TLN2: variants seen among roughly 807,000 people sequenced by gnomAD.
The protein encoded by TLN2 is talin 2, also known as talin-2.
A neutral mutation model predicts 294.7 loss-of-function variants in TLN2; 118 were observed. The ratio of observed to expected loss-of-function variants is 0.40; its 90% CI spans 0.34 to 0.47. The LOEUF (loss-of-function observed/expected upper bound fraction) is 0.47, where lower values mean the gene tolerates loss of function less well. TLN2 is among the 20% of genes least tolerant of loss of function. The pLI is 0.84. For synonymous variants in TLN2, 1,431 were observed against 1,304.5 expected (o/e 1.10, Z -2.09); for missense variants, 3,083 against 3,282.2 (o/e 0.94, Z 1.48).
intron 3 of TLN2, among the ~76,000 whole-genome samples, chr15:62,619,843 G>A (rs745330438): frequency 6.6e-6 from 1 of 152,178 alleles, no homozygotes; most frequent in Non-Finnish European, 1.5e-5. Flanking sequence ...AATTCCTATT[G>A]TTTTAGGACA....
At chr15:62,391,255 C>T (rs546978015) in intron 1 of TLN2, among the ~76,000 whole-genome samples, 24 of 152,256 alleles carry the variant, frequency 1.6e-4, no homozygotes, top group Non-Finnish European at 2.8e-4. Context: ...TTCTCCGGTG[C>T]CGGACACTCA....
Position 62,708,670 on chromosome 15 carries a change from C to G in TLN2, c.2341C>G (p.Leu781Val). 6.2e-7 allele frequency: 1 copy of G among 1,614,174 alleles called. No homozygotes were observed. The highest frequency in any genetic ancestry group is 1.1e-5 in the South Asian group (1 of 91,084). The part of the protein sequence containing the change: ...SAAASVVSQA[L>V]HDLLQHVRQF... Reference sequence around the variant, plus strand: ...AGCGGCCAGCGTGGTCAGCCAGGCCCTCCATGATCTCCTGCAGCATGTGCG... The same window carrying G: ...AGCGGCCAGCGTGGTCAGCCAGGCCGTCCATGATCTCCTGCAGCATGTGCG... The change falls in exon 21 of 59, where the codon CTC becomes GTC. Residue 781 changes from leucine to valine, a missense_variant. Physicochemically the swap from Leu to Val is conservative, Grantham distance 32 (BLOSUM62 1). Transcript: ENST00000636159.
At chr15:62,510,237 G>C (rs1012983335) in intron 1 of TLN2, among the ~76,000 whole-genome samples, 14 of 152,180 alleles carry the variant, frequency 9.2e-5, no homozygotes, top group Non-Finnish European at 1.8e-4. Context: ...ACCCACCAGA[G>C]CATGCCATTT....
Position 62,819,614 on chromosome 15 carries a change from C to T in TLN2, c.6870C>T (p.Ala2290=). Residue 2290 remains alanine, a synonymous_variant, in exon 53 of 59, where the codon GCC becomes GCT. Coordinates refer to ENST00000636159, the MANE Select transcript of TLN2 (RefSeq NM_015059.3). ...AVTELIQAAE[A]MKGTEWVDPE... The stretch of plus-strand genomic sequence containing the variant: ...CAGAGCTCATCCAGGCGGCGGAAGC[C>T]ATGAAAGGTAGGCTGGATTCTCACG... 1 of 1,610,224 alleles carries T rather than the reference C, an allele frequency of 6.2e-7. No homozygotes were observed. The highest frequency in any genetic ancestry group is 8.5e-7 in the Non-Finnish European group (1 of 1,179,966).
At chr15:62,591,714 G>T (rs1170909128) in intron 2 of TLN2, among the ~76,000 whole-genome samples, 1 of 152,150 alleles carries the variant, frequency 6.6e-6, no homozygotes, top group Non-Finnish European at 1.5e-5. Flanking sequence ...GGTGAGGCGG[G>T]TAGAATACTG....
chr15:62,420,165 TTAATG>T (rs2034308929), intron 1 of TLN2, among the ~76,000 whole-genome samples: 1 of 152,232 alleles, frequency 6.6e-6, no homozygotes, highest in Admixed American at 6.5e-5. Flanking sequence ...GGTCTAGAAT[TTAATG>T]TATTCATAGT....
At chr15:62,496,242 GA>G (rs2039010343) in intron 1 of TLN2, among the ~76,000 whole-genome samples, 1 of 152,230 alleles carries the variant, frequency 6.6e-6, no homozygotes, top group Admixed American at 6.5e-5. Context: ...TCTACGAAGA[GA>G]AGCAGCTTAT....
chr15:62,694,352 G>C lies in TLN2; in HGVS notation c.1252G>C (p.Glu418Gln). Residue 418 changes from glutamate (E) to glutamine (Q), a missense_variant, in exon 14 of 59, where the codon GAG (glutamate) becomes CAG (glutamine). By Grantham distance (29) the Glu-to-Gln change is conservative. Transcript: ENST00000636159. ...SKDRFGLEGDEESTMLEESVS... is the reference protein window; with the variant it reads ...SKDRFGLEGDQESTMLEESVS... The stretch of plus-strand genomic sequence containing the variant: ...AGATCGATTTGGACTAGAAGGTGAT[G>C]AGGAGTCAACCATGTTAGAAGAGTC... The C allele has an allele frequency of 6.2e-7, 1 of 1,614,102 alleles. No individual in the cohort carries two copies.
intron 42 of TLN2, among the ~76,000 whole-genome samples, chr15:62,773,295 A>C (rs1240831389): frequency 4.2e-5 from 3 of 70,606 alleles, no homozygotes; most frequent in African/African-American, 1.7e-4. Flanking sequence ...ACACACAGTC[A>C]GCACTGTAAG....
chr15:62,758,294 G>A (rs893356419), intron 37 of TLN2, among the ~76,000 whole-genome samples: 1 of 152,196 alleles, frequency 6.6e-6, no homozygotes, highest in Non-Finnish European at 1.5e-5. Context: ...ATCCATTTCT[G>A]TGTTTCTGCC....
chr15:62,690,352 C>CT (rs2057744467), intron 12 of TLN2: 2 of 152,790 alleles, frequency 1.3e-5, no homozygotes. Flanking sequence ...CGGGCAGAGG[C>CT]GCTCCTCACC....
intron 1 of TLN2, among the ~76,000 whole-genome samples, chr15:62,391,126 G>T (rs2032043904): frequency 6.6e-6 from 1 of 152,178 alleles, no homozygotes; most frequent in Non-Finnish European, 1.5e-5. Context: ...CGCGCCAGAA[G>T]AGTTGGCGCT....
intron 2 of TLN2, among the ~76,000 whole-genome samples, chr15:62,605,928 C>T: frequency 6.6e-6 from 1 of 152,102 alleles, no homozygotes; most frequent in East Asian, 1.9e-4. Context: ...TCAGAATTTC[C>T]CTTCTTTAGA....
intron 11 of TLN2, among the ~76,000 whole-genome samples, chr15:62,677,782 TAAGA>T (rs911325208): frequency 3.6e-5 from 5 of 140,266 alleles, no homozygotes; most frequent in African/African-American, 1.3e-4. Context: ...AAGAAAGGAT[TAAGA>T]AAGTAGGCAG....
At chr15:62,519,024 T>C (rs367635826) in intron 1 of TLN2, among the ~76,000 whole-genome samples, 14 of 152,224 alleles carry the variant, frequency 9.2e-5, no homozygotes, top group African/African-American at 3.4e-4. Context: ...ACAGCAATTC[T>C]AAGAGGTAGC....
intron 14 of TLN2, among the ~76,000 whole-genome samples, chr15:62,694,895 G>A (rs1238703368): frequency 6.6e-6 from 1 of 152,200 alleles, no homozygotes; most frequent in Non-Finnish European, 1.5e-5. Context: ...TGGGGTCTCT[G>A]TTTCACTGTG....
At chr15:62,458,768 C>CA (rs1376092149) in intron 1 of TLN2, among the ~76,000 whole-genome samples, 72 of 151,940 alleles carry the variant, frequency 4.7e-4, no homozygotes, top group African/African-American at 1.7e-3. Context: ...GACTCTGTCT[C>CA]AAAAAGAAAA....
chr15:62,651,949 G>A (rs2052639170), intron 5 of TLN2, 56 bp from the exon 6 acceptor site: 21 of 1,489,978 alleles, frequency 1.4e-5, no homozygotes, highest in Non-Finnish European at 1.7e-5. Context: ...AAGTGTTCAA[G>A]TTTGTTATTT....
chr15:62,769,354 A>G (rs1288983523), intron 41 of TLN2, among the ~76,000 whole-genome samples: 1 of 152,184 alleles, frequency 6.6e-6, no homozygotes, highest in Non-Finnish European at 1.5e-5. Flanking sequence ...GTGGTTGTAT[A>G]GGCTGTGCCC....
Sources: allele counts gnomAD v4.1 joint callset (sites outside exome capture counted in the v4.1 genomes callset), GRCh38; gene constraint gnomAD v4.1.1; transcripts MANE v1.5; gene names NCBI Gene and HGNC (gene_info 2026-07-23, HGNC 2026-07-21).